GRIN2A: variants seen among roughly 807,000 people sequenced by gnomAD.
GRIN2A encodes the protein glutamate ionotropic receptor NMDA type subunit 2A.
Under a neutral mutation model 113.4 loss-of-function variants are expected in GRIN2A, and 22 were observed. That is an observed-to-expected ratio of 0.19 (90% CI 0.14 to 0.28). The LOEUF (loss-of-function observed/expected upper bound fraction) is 0.28, where lower values mean the gene tolerates loss of function less well. Among genes scored for constraint, GRIN2A ranks in the 10% least tolerant of loss-of-function variants. The pLI is 1.00. For missense variants in GRIN2A, 1,502 were observed against 1,887.0 expected (o/e 0.80, Z 3.78); for synonymous variants, 827 against 738.4 (o/e 1.12, Z -1.94).
intron 2 of GRIN2A, among the ~76,000 whole-genome samples, chr16:10,153,402 T>C (rs1354794621): frequency 2.0e-5 from 3 of 152,184 alleles, no homozygotes; most frequent in Admixed American, 2.0e-4. Flanking sequence ...GAAGGGGATA[T>C]GCTCCTGCCC....
chr16:9,867,105 T>C (rs951771775), intron 4 of GRIN2A, among the ~76,000 whole-genome samples: 2 of 152,124 alleles, frequency 1.3e-5, no homozygotes. Flanking sequence ...ACCCACAATT[T>C]TCCTGCCCCC....
At chr16:10,044,588 C>T (rs1386981724) in intron 2 of GRIN2A, among the ~76,000 whole-genome samples, 3 of 150,404 alleles carry the variant, frequency 2.0e-5, no homozygotes, top group South Asian at 4.3e-4. Flanking sequence ...TGATTATTTG[C>T]TTTTGAAAAG....
chr16:10,046,400 C>G (rs1205030062), intron 2 of GRIN2A, among the ~76,000 whole-genome samples: 2 of 151,712 alleles, frequency 1.3e-5, no homozygotes, highest in Non-Finnish European at 2.9e-5. Flanking sequence ...TACCTTAAGA[C>G]TCTTCACTAC....
chr16:10,161,453 T>G lies in GRIN2A; in HGVS notation c.414+18545A>C, dbSNP rs540943738. Among the ~76,000 whole-genome samples the G allele has an allele frequency of 5.9e-5, 9 of 152,324 alleles. No homozygotes were observed. In the South Asian group the frequency reaches 1.9e-3, roughly 32 times the overall value. On this transcript the variant is annotated intron_variant, in intron 2 of 12. Coordinates refer to ENST00000330684, the MANE Select transcript of GRIN2A (RefSeq NM_001134407.3). ...GGGAAAAATGGACACACTTATCTTT[T>G]AAGTCATTTTAAATTATTTCGCCTT...
At chr16:9,801,212 G>T (rs2141239850) in intron 10 of GRIN2A, among the ~76,000 whole-genome samples, 1 of 152,310 alleles carries the variant, frequency 6.6e-6, no homozygotes, top group East Asian at 1.9e-4. Context: ...GCCGTGGAAG[G>T]TGTTGGTCTC....
intron 2 of GRIN2A, among the ~76,000 whole-genome samples, chr16:10,047,869 T>C (rs561398708): frequency 6.1e-4 from 93 of 152,358 alleles, no homozygotes; most frequent in Non-Finnish European, 3.4e-4. Flanking sequence ...AGAGCTTACC[T>C]GCAGGGTTAA....
intron 3 of GRIN2A, among the ~76,000 whole-genome samples, chr16:9,931,292 A>C (rs909358543): frequency 6.6e-6 from 1 of 152,172 alleles, no homozygotes; most frequent in Non-Finnish European, 1.5e-5. Flanking sequence ...GCAGTGTAAC[A>C]AGTATAAAGT....
intron 4 of GRIN2A, among the ~76,000 whole-genome samples, chr16:9,884,471 C>T (rs1309246452): frequency 2.0e-5 from 3 of 152,020 alleles, no homozygotes; most frequent in Non-Finnish European, 4.4e-5. Flanking sequence ...ATTGCTTGAA[C>T]CTGGGAGGCA....
chr16:10,129,522 A>T (rs2049019331), intron 2 of GRIN2A, among the ~76,000 whole-genome samples: 1 of 152,186 alleles, frequency 6.6e-6, no homozygotes, highest in African/African-American at 2.4e-5. Flanking sequence ...AATGTTTGAG[A>T]CGAAACTTGA....
At chr16:9,873,548 A>G (rs1030153508) in intron 4 of GRIN2A, among the ~76,000 whole-genome samples, 9 of 149,328 alleles carry the variant, frequency 6.0e-5, no homozygotes, top group African/African-American at 2.2e-4. Flanking sequence ...CTAAAAAACA[A>G]CAACAACAAC....
chr16:9,780,682 AT>A (rs1406260678), intron 11 of GRIN2A, among the ~76,000 whole-genome samples: 1 of 152,378 alleles, frequency 6.6e-6, no homozygotes, highest in Non-Finnish European at 1.5e-5. Flanking sequence ...TTTGTGCAAT[AT>A]AACGAATGTA....
intron 2 of GRIN2A, among the ~76,000 whole-genome samples, chr16:10,077,203 G>C (rs187479567): frequency 4.7e-4 from 72 of 152,312 alleles, no homozygotes; most frequent in Non-Finnish European, 9.3e-4. Flanking sequence ...ACTGCACCTT[G>C]ATTTTAGCCC....
At chr16:10,034,498 C>G (rs1188517619) in intron 2 of GRIN2A, among the ~76,000 whole-genome samples, 5 of 120,522 alleles carry the variant, frequency 4.1e-5, no homozygotes. Context: ...GCACCCCAGG[C>G]TGGACGATAA....
intron 2 of GRIN2A, among the ~76,000 whole-genome samples, chr16:9,962,494 C>T (rs550651556): frequency 0.016 from 2,438 of 152,056 alleles, 62 homozygotes; most frequent in African/African-American, 0.056. Flanking sequence ...TTTATGCAGC[C>T]AAAAAACACA....
intron 3 of GRIN2A, among the ~76,000 whole-genome samples, chr16:9,924,508 T>A (rs182202519): frequency 4.7e-4 from 71 of 152,358 alleles, no homozygotes; most frequent in Non-Finnish European, 1.6e-4. Context: ...TCTTTAAAAC[T>A]GATTTTGAGA....
intron 3 of GRIN2A, among the ~76,000 whole-genome samples, chr16:9,902,194 C>T (rs1459802459): frequency 6.6e-6 from 1 of 152,194 alleles, no homozygotes; most frequent in African/African-American, 2.4e-5. Context: ...ACATTTCTAG[C>T]TTCCCTAGTA....
chr16:9,850,041 G>T, intron 4 of GRIN2A, 80 bp from the exon 5 acceptor site: 1 of 1,217,368 alleles, frequency 8.2e-7, no homozygotes, highest in Non-Finnish European at 1.2e-6. Flanking sequence ...CCCTGCCAGA[G>T]ACATCCATCC....
intron 2 of GRIN2A, among the ~76,000 whole-genome samples, chr16:10,026,592 G>GGGCATTAGGT (rs1323370156): frequency 0.046 from 6,975 of 151,984 alleles, 278 homozygotes; most frequent in African/African-American, 0.1. Context: ...CTCCCTTTCT[G>GGGCATTAGGT]TCAACTGAAG....
chr16:9,805,889 G>T (rs1477929192), intron 10 of GRIN2A, among the ~76,000 whole-genome samples: 1 of 152,118 alleles, frequency 6.6e-6, no homozygotes, highest in African/African-American at 2.4e-5. Flanking sequence ...TTGTTTACTT[G>T]GGCAAGAGAC....
Sources: gnomAD v4.1 joint callset for allele counts (sites outside exome capture counted in the v4.1 genomes callset) on GRCh38, gnomAD v4.1.1 for gene constraint, MANE v1.5 for transcripts, NCBI Gene and HGNC (gene_info 2026-07-23, HGNC 2026-07-21) for gene names.